Variants in DIDO1 observed in about 807,000 individuals in gnomAD.
The protein encoded by DIDO1 is death inducer-obliterator 1.
Under a neutral mutation model 99.4 loss-of-function variants are expected in DIDO1, and 16 were observed. That is an observed-to-expected ratio of 0.16 (90% confidence interval 0.11 to 0.24). The LOEUF (loss-of-function observed/expected upper bound fraction) is 0.24, where lower values mean the gene tolerates loss of function less well. DIDO1 is among the 10% of genes least tolerant of loss of function. DIDO1 has a pLI of 1.00. For synonymous variants in DIDO1, 1,366 were observed against 1,239.1 expected (o/e 1.10, Z -2.15); for missense variants, 2,996 against 3,014.0 (o/e 0.99, Z 0.14).
chr20:62,900,162 T>C (rs756832350), intron 6 of DIDO1, among the ~76,000 whole-genome samples: 1 of 152,202 alleles, frequency 6.6e-6, no homozygotes, highest in Non-Finnish European at 1.5e-5. Flanking sequence ...CGCACAGCAC[T>C]GATGCCTGAG....
At chr20:62,919,886 C>A (rs993382746) in intron 1 of DIDO1, among the ~76,000 whole-genome samples, 10 of 152,162 alleles carry the variant, frequency 6.6e-5, no homozygotes, top group Non-Finnish European at 2.9e-5. Context: ...ATGCCAGGAA[C>A]CAGAAACAGT....
chr20:62,910,052 G>T, intron 3 of DIDO1, 32 bp from the exon 4 acceptor site: 1 of 1,584,568 alleles, frequency 6.3e-7, no homozygotes, highest in Non-Finnish European at 8.6e-7. Context: ...ATTAGCAATG[G>T]GACGTGAGTG....
intron 1 of DIDO1, among the ~76,000 whole-genome samples, chr20:62,919,077 A>G (rs2065088932): frequency 1.3e-5 from 2 of 152,204 alleles, no homozygotes; most frequent in African/African-American, 4.8e-5. Context: ...GGCAGGAAAC[A>G]CTGTGCTGCA....
At position 62,894,244 on chromosome 20, in the gene DIDO1, T is replaced by TG. The variant is rs756271510; in HGVS notation, c.2573-51dup. 1.3e-6 allele frequency: 2 copies of TG among 1,592,492 alleles called. No homozygotes were observed. Among genetic ancestry groups the TG allele is most frequent in the Admixed American group, 3.4e-5 (2 of 58,710 alleles). On this transcript the variant is annotated intron_variant, in intron 11 of 15. Transcript: ENST00000395343. The surrounding 1 kb of genome is among the most constrained non-coding windows in gnomAD (Gnocchi z 4.4). ...GTGAGAAACCCAGCCGGCACACTGG[T>TG]GTTTCTCACACAAAGCCGAAAGCAA...
In DIDO1 at chr20:62,913,428, G is replaced by A. The variant is rs574985666; in HGVS notation, c.-3+782C>T. ...GACCCCAGGCAAGTCACAAGGAACC[G>A]CTCTGATCCAGGAGGCAATGCTGAC... On this transcript the variant is annotated intron_variant, in intron 2 of 15. Transcript: ENST00000395343. Among the ~76,000 whole-genome samples the A allele has an allele frequency of 3.3e-5, 5 of 152,310 alleles. No homozygotes were observed. In the South Asian group the frequency reaches 8.3e-4, roughly 25 times the overall value.
chr20:62,887,301 C>T (rs1205363492), intron 15 of DIDO1: 15 of 985,330 alleles, frequency 1.5e-5, no homozygotes, highest in Non-Finnish European at 1.8e-5. Flanking sequence ...AATTTCCATG[C>T]AAAGCTACTG....
chr20:62,918,325 C>G (rs2065074636), intron 1 of DIDO1, among the ~76,000 whole-genome samples: 1 of 152,216 alleles, frequency 6.6e-6, no homozygotes, highest in Non-Finnish European at 1.5e-5. Flanking sequence ...GGTTGTGGTA[C>G]AGCTGCATGA....
Position 62,881,030 on chromosome 20 carries a change from G to C in DIDO1, c.4926C>G (p.Thr1642=), listed in dbSNP as rs775196402. The C allele has an allele frequency of 1.2e-6, 2 of 1,604,952 alleles. No individual in the cohort carries two copies. The highest frequency in any genetic ancestry group is 2.2e-5 in the East Asian group (1 of 44,758). The change falls in exon 16 of 16, where the codon ACC becomes ACG. Residue 1642 remains threonine, a synonymous_variant. Transcript: ENST00000395343. This position sits in a 1 kb window ranked among gnomAD's most constrained non-coding sequence, Gnocchi z 8.3. ...DGWKAEPGEG[T]RPATVGDSSA... ...AGCTGTCTCCAACCGTGGCGGGGCG[G>C]GTGCCCTCCCCAGGCTCTGCCTTCC...
At chr20:62,907,425 T>C (rs1347843412) in intron 4 of DIDO1, 66 bp from the exon 5 acceptor site, 1 of 1,506,012 alleles carries the variant, frequency 6.6e-7, no homozygotes, top group Non-Finnish European at 9.1e-7. Flanking sequence ...AGTGTGTGTT[T>C]TGTAAAATCA....
intron 6 of DIDO1, chr20:62,905,471 T>C: frequency 6.5e-7 from 1 of 1,541,548 alleles, no homozygotes; most frequent in Non-Finnish European, 8.8e-7. Flanking sequence ...GTGGACAATG[T>C]GGAAAAACTG....
intron 15 of DIDO1, among the ~76,000 whole-genome samples, chr20:62,886,809 G>A (rs1225150419): frequency 6.6e-6 from 1 of 152,204 alleles, no homozygotes; most frequent in African/African-American, 2.4e-5. Flanking sequence ...AACAGAAACG[G>A]TGTGGAAGTT....
chr20:62,908,222 C>CGAGT (rs1172040626), intron 4 of DIDO1, among the ~76,000 whole-genome samples: 1 of 152,172 alleles, frequency 6.6e-6, no homozygotes, highest in Non-Finnish European at 1.5e-5. Context: ...CTCAAGTGAT[C>CGAGT]CTCCCATCTT....
At chr20:62,905,241 G>A (rs987868488) in intron 6 of DIDO1, 2 of 1,314,790 alleles carry the variant, frequency 1.5e-6, no homozygotes, top group Non-Finnish European at 1.9e-6. Flanking sequence ...AGTGTTCTAG[G>A]TGTGAACTCA....
At position 62,922,338 on chromosome 20, in the gene DIDO1, G is replaced by C. The variant is rs146645459; in HGVS notation, c.-200+4101C>G. 1.0e-3 allele frequency among the ~76,000 whole-genome samples: 153 copies of C among 152,054 alleles called. 1 individual carries two copies. In the East Asian group the frequency reaches 0.025, roughly 25 times the overall value. ...GCATCTCTGGGGCCTACTCCCCTCA[G>C]TGCAGGTTCAGCATTCCCAGTCCTG... On this transcript the variant is annotated intron_variant, in intron 1 of 15. Transcript: ENST00000395343.
At chr20:62,931,956 GAGAA>G (rs1485074635) in intron 1 of DIDO1, among the ~76,000 whole-genome samples, 2 of 152,218 alleles carry the variant, frequency 1.3e-5, no homozygotes, top group East Asian at 1.9e-4. Context: ...TGGTAAAACT[GAGAA>G]AGAGTGTGTT....
In DIDO1 at chr20:62,881,245, C is replaced by T. The variant is rs1170587421; in HGVS notation, c.4711G>A (p.Gly1571Ser). 4 of 1,601,956 alleles carry T rather than the reference C, an allele frequency of 2.5e-6. No individual in the cohort carries two copies. Among genetic ancestry groups the T allele is most frequent in the East Asian group, 4.5e-5 (2 of 44,836 alleles). ...RQARRLATET[G>S]EGEGEPLSRL... ...GAGAGAGGCTCCCCCTCCCCCTCAC[C>T]GGTCTCAGTGGCCAGGCGCCTCGCC... is the stretch of plus-strand genomic sequence containing the variant. The change falls in exon 16 of 16, where the codon GGT becomes AGT. Residue 1571 changes from glycine (G) to serine (S), a missense_variant. Around this residue, in one of 5 missense-constraint regions of DIDO1, gnomAD observed 1,562 missense variants for 1,412.6 expected, o/e 1.11. Transcript: ENST00000395343. This position sits in a 1 kb window ranked among gnomAD's most constrained non-coding sequence, Gnocchi z 8.3.
chr20:62,913,176 T>C (rs1016216007), intron 2 of DIDO1, among the ~76,000 whole-genome samples: 1 of 152,234 alleles, frequency 6.6e-6, no homozygotes, highest in African/African-American at 2.4e-5. Flanking sequence ...CCACGCTCTG[T>C]AAACATGACC....
chr20:62,895,595 A>T (rs1160823670), intron 8 of DIDO1, among the ~76,000 whole-genome samples: 2 of 152,256 alleles, frequency 1.3e-5, no homozygotes, highest in Non-Finnish European at 2.9e-5. Flanking sequence ...TGAGATGCAA[A>T]GTCAGGGTAT....
rs781146818 is a variant in DIDO1, at chr20:62,909,840, C to G, written c.1020G>C (p.Trp340Cys). The G allele has an allele frequency of 5.2e-5, 84 of 1,614,116 alleles. No individual in the cohort carries two copies. In the South Asian group the frequency reaches 8.1e-4, roughly 16 times the overall value. ...CGGTGCCATCAGCATCTCCAGGTCT[C>G]CATTTAGCTTCCTGCTGATCTGCCG... ...SETADQQEAK[W>C]RPGDADGTDC... The change falls in exon 4 of 16, where the codon TGG becomes TGC. Residue 340 changes from tryptophan to cysteine, a missense_variant. This residue lies in a region of DIDO1 where 898 missense variants were observed against 972.7 expected (regional missense o/e 0.92). Transcript: ENST00000395343.
Sources: allele counts gnomAD v4.1 joint callset (sites outside exome capture counted in the v4.1 genomes callset), GRCh38; gene constraint gnomAD v4.1.1; regional missense constraint gnomAD v4.1.1; non-coding constraint Gnocchi (gnomAD v3.1); transcripts MANE v1.5; gene names NCBI Gene and HGNC (gene_info 2026-07-23, HGNC 2026-07-21).